C2orf76: variants seen among roughly 807,000 people sequenced by gnomAD.
C2orf76 encodes the protein UPF0538 protein C2orf76.
In C2orf76, 23 loss-of-function variants were observed where a neutral mutation model predicts 16.9. That is an observed-to-expected ratio of 1.36 (90% CI 0.98 to 1.93). The LOEUF is 1.93. C2orf76 is among the 30% of genes most tolerant of loss of function. The pLI, the probability that C2orf76 is intolerant of heterozygous loss-of-function variation, is 0.00. For missense variants in C2orf76, 152 were observed against 152.6 expected, an observed-to-expected ratio of 1.00 and a Z score of 0.02; for synonymous variants, 48 against 52.3, an observed-to-expected ratio of 0.92 and a Z score of 0.35.
the C2orf76 span, among the ~76,000 whole-genome samples, chr2:119,284,680 G>C: frequency 1.4e-5 from 2 of 142,990 alleles, no homozygotes; most frequent in African/African-American, 2.8e-5. Flanking sequence ...TTGGGATTTT[G>C]GTTTTTTTTT....
the C2orf76 span, among the ~76,000 whole-genome samples, chr2:119,294,567 G>A: frequency 1.2e-4 from 19 of 152,128 alleles, no homozygotes; most frequent in African/African-American, 2.7e-4. Flanking sequence ...CTACTCGCTC[G>A]CCCACCCACA....
chr2:119,299,133 G>C (rs1336643565), downstream of C2orf76, among the ~76,000 whole-genome samples: 2 of 151,844 alleles, frequency 1.3e-5, no homozygotes, highest in East Asian at 1.9e-4. Context: ...GCCCAGGCTG[G>C]TCTCGAACTC....
At chr2:119,366,891 A>G, upstream of C2orf76, 2 of 924,408 alleles carry the variant, frequency 2.2e-6, 1 homozygote, top group South Asian at 3.1e-5. Context: ...GCACGCCCCT[A>G]GCGCATAGCT....
the C2orf76 span, among the ~76,000 whole-genome samples, chr2:119,292,276 G>A: frequency 6.6e-6 from 1 of 152,084 alleles, no homozygotes; most frequent in Non-Finnish European, 1.5e-5. Flanking sequence ...TAGTTTTCCA[G>A]GGAACAGTTC....
intron 1 of C2orf76, among the ~76,000 whole-genome samples, chr2:119,346,054 CAAAAAA>C (rs56669262): frequency 1.4e-5 from 1 of 73,536 alleles, no homozygotes; most frequent in Non-Finnish European, 2.9e-5. Flanking sequence ...GACGCCATCT[CAAAAAA>C]AAAAAAAAAA....
intron 1 of C2orf76, among the ~76,000 whole-genome samples, chr2:119,359,905 C>G (rs540394630): frequency 2.0e-5 from 3 of 152,282 alleles, no homozygotes; most frequent in Non-Finnish European, 4.4e-5. Flanking sequence ...AGAGAATTGA[C>G]TCCAATTTTG....
At chr2:119,336,398 T>C (rs1411222058) in intron 2 of C2orf76, among the ~76,000 whole-genome samples, 2 of 151,918 alleles carry the variant, frequency 1.3e-5, no homozygotes, top group African/African-American at 2.4e-5. Context: ...TCAAAATAAA[T>C]AAATAAATTT....
At chr2:119,362,197 T>C (rs978336024) in intron 1 of C2orf76, among the ~76,000 whole-genome samples, 1 of 152,236 alleles carries the variant, frequency 6.6e-6, no homozygotes, top group Non-Finnish European at 1.5e-5. Flanking sequence ...CTTTTCTAGT[T>C]TACTTTTAAA....
chr2:119,363,791 C>T (rs1361996158), intron 1 of C2orf76, among the ~76,000 whole-genome samples: 1 of 152,094 alleles, frequency 6.6e-6, no homozygotes, highest in Non-Finnish European at 1.5e-5. Context: ...CCTGGGAGGT[C>T]GAGGCAGAGG....
chr2:119,327,980 G>A (rs1482366786), intron 2 of C2orf76, among the ~76,000 whole-genome samples: 1 of 152,052 alleles, frequency 6.6e-6, no homozygotes, highest in Non-Finnish European at 1.5e-5. Context: ...TTTGGTATCA[G>A]GGTAAGGATG....
At position 119,321,206 on chromosome 2, in the gene C2orf76, T is replaced by C; in HGVS notation, c.134-2A>G. 1 of 1,358,794 alleles carries C rather than the reference T, an allele frequency of 7.4e-7. No individual in the cohort carries two copies. The allele number at this position is 1,358,794 out of a possible 1,614,324, so 84.2% of individuals were successfully genotyped here. ...GCAGGTTGGTCCTTAAAGGGATATC[T>C]ACAAGAGAAAGATTATTTTTTTACA... is the stretch of plus-strand genomic sequence containing the variant. On this transcript the variant is annotated splice_acceptor_variant, in intron 2 of 5. Transcript: ENST00000334816. LOFTEE classifies it high-confidence loss of function.
the C2orf76 span, among the ~76,000 whole-genome samples, chr2:119,290,315 A>C: frequency 2.0e-5 from 3 of 152,056 alleles, no homozygotes; most frequent in Non-Finnish European, 2.9e-5. Context: ...CACAGAAGCC[A>C]TAGAAACCGG....
intron 1 of C2orf76, among the ~76,000 whole-genome samples, chr2:119,362,786 A>ACCTCAGCCCTAACCAC: frequency 6.6e-6 from 1 of 152,200 alleles, no homozygotes; most frequent in South Asian, 2.1e-4. Context: ...TCTGCAGCTC[A>ACCTCAGCCCTAACCAC]CCTCAGCCCT....
At chr2:119,320,818 A>G (rs1679318310) in intron 3 of C2orf76, among the ~76,000 whole-genome samples, 1 of 152,202 alleles carries the variant, frequency 6.6e-6, no homozygotes, top group Non-Finnish European at 1.5e-5. Flanking sequence ...TGTAACACAT[A>G]AAACTACTAT....
intron 4 of C2orf76, among the ~76,000 whole-genome samples, chr2:119,316,076 G>A (rs1038979603): frequency 1.3e-5 from 2 of 152,148 alleles, no homozygotes; most frequent in East Asian, 1.9e-4. Context: ...TTTGAAGAGC[G>A]TATTGTTTTA....
In C2orf76 at chr2:119,311,713, A is replaced by C. The variant is rs770339965; in HGVS notation, c.223-10T>G. 1 of 1,602,662 alleles carries C rather than the reference A, an allele frequency of 6.2e-7. No homozygotes were observed. Among genetic ancestry groups the C allele is most frequent in the East Asian group, 2.2e-5 (1 of 44,804 alleles). ...ACACAAGTTCATTTGTCTAAAAAAA[A>C]AAAAGAAAATCTGCATTTTATCAGT... is the stretch of plus-strand genomic sequence containing the variant. On this transcript the variant is annotated splice_polypyrimidine_tract_variant and intron_variant, in intron 4 of 5. Coordinates refer to ENST00000334816, the MANE Select transcript of C2orf76 (RefSeq NM_001322331.2).
At chr2:119,332,879 A>G (rs1277524726) in intron 2 of C2orf76, among the ~76,000 whole-genome samples, 1 of 152,140 alleles carries the variant, frequency 6.6e-6, no homozygotes, top group Non-Finnish European at 1.5e-5. Context: ...ACAGGCATGC[A>G]CTACAAAGCC....
intron 2 of C2orf76, among the ~76,000 whole-genome samples, chr2:119,326,416 T>C (rs189495445): frequency 6.4e-4 from 97 of 152,280 alleles, no homozygotes; most frequent in Middle Eastern, 3.4e-3. Flanking sequence ...TTAACGTATA[T>C]GTTTATCTAC....
intron 2 of C2orf76, 52 bp downstream of exon 2, chr2:119,339,775 C>A: frequency 6.7e-7 from 1 of 1,486,860 alleles, no homozygotes; most frequent in South Asian, 1.2e-5. Context: ...ATGTCATAGT[C>A]AGCTATTTTT....
Sources: gnomAD v4.1 joint callset for allele counts (sites outside exome capture counted in the v4.1 genomes callset) on GRCh38, gnomAD v4.1.1 for gene constraint, MANE v1.5 for transcripts, NCBI Gene and HGNC (gene_info 2026-07-23, HGNC 2026-07-21) for gene names.